The following PTBP3 variants were observed in gnomAD, a reference collection of about 807,000 sequenced individuals.
The protein encoded by PTBP3 is polypyrimidine tract binding protein 3, also known as polypyrimidine tract-binding protein 3.
In PTBP3, 20 loss-of-function variants were observed where a neutral mutation model predicts 58.7. The observed-to-expected ratio is 0.34, with a 90% CI of 0.24 to 0.50. The LOEUF is 0.50. Among genes scored for constraint, PTBP3 ranks in the 20% least tolerant of loss-of-function variants. The pLI is 0.98. For missense variants in PTBP3, 509 were observed against 637.2 expected (o/e 0.80, Z 2.17); for synonymous variants, 185 against 219.8 (o/e 0.84, Z 1.40).
At chr9:112,299,585 A>G (rs1828827660) in intron 1 of PTBP3, among the ~76,000 whole-genome samples, 1 of 152,252 alleles carries the variant, frequency 6.6e-6, no homozygotes, top group South Asian at 2.1e-4. Flanking sequence ...TTTAACAGCC[A>G]TCTCACAAAG....
At chr9:112,283,600 T>C (rs1589863917) in intron 2 of PTBP3, among the ~76,000 whole-genome samples, 1 of 152,168 alleles carries the variant, frequency 6.6e-6, no homozygotes, top group Non-Finnish European at 1.5e-5. Flanking sequence ...AGCCTGACCA[T>C]GTGGTAGAAA....
chr9:112,225,456 G>A lies in PTBP3; in HGVS notation c.1365-1246C>T, dbSNP rs541154411. On this transcript the variant is annotated intron_variant, in intron 12 of 13. Coordinates refer to ENST00000374257, the MANE Select transcript of PTBP3 (RefSeq NM_001163788.4). ...TAATGGGTACAGAGTTTCAGTTTGG[G>A]ATGATGAAAACGTTCTACAGATGGA... is the stretch of plus-strand genomic sequence containing the variant. 8.5e-5 allele frequency among the ~76,000 whole-genome samples: 13 copies of A among 152,306 alleles called. No homozygotes were observed. The South Asian group carries it at 2.7e-3, about 32-fold the overall frequency.
At chr9:112,358,311 AAAAC>A in the PTBP3 span, among the ~76,000 whole-genome samples, 8 of 152,300 alleles carry the variant, frequency 5.3e-5, no homozygotes, top group African/African-American at 1.9e-4. Flanking sequence ...CTGTCTCAAA[AAAAC>A]AAAAACAAAC....
chr9:112,308,377 A>C lies in PTBP3; in HGVS notation c.-51-10461T>G, dbSNP rs1341698168. 4.0e-5 allele frequency among the ~76,000 whole-genome samples: 6 copies of C among 151,200 alleles called. No individual in the cohort carries two copies. In the East Asian group the frequency reaches 5.8e-4, roughly 15 times the overall value. On this transcript the variant is annotated intron_variant, in intron 1 of 13. Transcript: ENST00000374257. ...AAAAAAAAAAAAAAAAAAAAAAAAA[A>C]AAAACTTTTCTTTCCTAGACATAAA...
At chr9:112,270,614 C>T (rs1018954218) in intron 3 of PTBP3, among the ~76,000 whole-genome samples, 4 of 152,088 alleles carry the variant, frequency 2.6e-5, no homozygotes, top group South Asian at 2.1e-4. Context: ...GGAAACCATG[C>T]GTGTAGCATT....
intron 12 of PTBP3, among the ~76,000 whole-genome samples, chr9:112,224,658 C>G (rs754111914): frequency 2.5e-4 from 38 of 152,098 alleles, no homozygotes; most frequent in Non-Finnish European, 4.7e-4. Context: ...TCTAAGGTGG[C>G]CCCCAATTAC....
At chr9:112,371,428 T>C in the PTBP3 span, among the ~76,000 whole-genome samples, 1 of 152,218 alleles carries the variant, frequency 6.6e-6, no homozygotes, top group South Asian at 2.1e-4. Context: ...CGTGAACCCC[T>C]AATTCATCTG....
In PTBP3 at chr9:112,220,292, G is replaced by A. The variant is rs192657315; in HGVS notation, c.*3559C>T. 7.4e-5 allele frequency: 98 copies of A among 1,320,176 alleles called. No homozygotes were observed. Among genetic ancestry groups the A allele is most frequent in the Middle Eastern group, 2.1e-4 (1 of 4,736 alleles). 81.8% of individuals were successfully genotyped at this position (1,320,176 alleles called of 1,614,324 possible). On this transcript the variant is annotated 3_prime_UTR_variant, in exon 14 of 14. Transcript: ENST00000374257. The stretch of plus-strand genomic sequence containing the variant: ...CACTGAAAAGAACAGAGAGCCAGGC[G>A]TGGTGGCTCATGCCTGTAATCCCAG...
the PTBP3 span, among the ~76,000 whole-genome samples, chr9:112,343,239 G>A: frequency 2.7e-5 from 4 of 145,822 alleles, no homozygotes; most frequent in African/African-American, 7.6e-5. Context: ...ACTGAGTTTC[G>A]CTCTCGTCAC....
chr9:112,260,484 T>G (rs777109172), intron 5 of PTBP3, among the ~76,000 whole-genome samples: 1 of 152,150 alleles, frequency 6.6e-6, no homozygotes, highest in Non-Finnish European at 1.5e-5. Flanking sequence ...GCTTGTTTAA[T>G]GTAATTAGAT....
the PTBP3 span, among the ~76,000 whole-genome samples, chr9:112,345,594 T>C: frequency 1.8e-3 from 267 of 151,804 alleles, 1 homozygote; most frequent in Non-Finnish European, 3.0e-3. Flanking sequence ...TTGGCCAGGC[T>C]GGTTTTGAAC....
chr9:112,311,819 A>C (rs1475654861), intron 1 of PTBP3, among the ~76,000 whole-genome samples: 1 of 152,136 alleles, frequency 6.6e-6, no homozygotes, highest in Non-Finnish European at 1.5e-5. Context: ...GTGGTGACTT[A>C]TGCCTGTAGT....
chr9:112,379,852 AC>A, the PTBP3 span: 1 of 517,902 alleles, frequency 1.9e-6, no homozygotes, highest in Admixed American at 3.9e-5. Context: ...CTAGGCGCCG[AC>A]AGGAGCCTGA....
At chr9:112,320,857 A>G (rs531068729) in intron 1 of PTBP3, among the ~76,000 whole-genome samples, 1 of 152,316 alleles carries the variant, frequency 6.6e-6, no homozygotes, top group South Asian at 2.1e-4. Flanking sequence ...CATACACAAA[A>G]ATAAATTTGA....
intron 1 of PTBP3, among the ~76,000 whole-genome samples, chr9:112,310,930 G>A (rs537522638): frequency 6.6e-6 from 1 of 152,332 alleles, no homozygotes; most frequent in South Asian, 2.1e-4. Flanking sequence ...GAATGAGCAA[G>A]GGGAGAAGTA....
chr9:112,245,473 A>G (rs569593686), intron 7 of PTBP3, among the ~76,000 whole-genome samples: 8 of 152,176 alleles, frequency 5.3e-5, no homozygotes, highest in African/African-American at 9.7e-5. Flanking sequence ...CTGGACAGGA[A>G]TCAGGATTTT....
the PTBP3 span, among the ~76,000 whole-genome samples, chr9:112,349,798 AG>A: frequency 7.2e-6 from 1 of 138,226 alleles, no homozygotes; most frequent in Non-Finnish European, 1.5e-5. Flanking sequence ...TGGGAGATGA[AG>A]GTTGCGGTGA....
At chr9:112,369,701 G>A in the PTBP3 span, among the ~76,000 whole-genome samples, 1 of 152,150 alleles carries the variant, frequency 6.6e-6, no homozygotes, top group African/African-American at 2.4e-5. Context: ...TTAAGACTCT[G>A]GGGGACTGTT....
rs1011738300 is a variant in PTBP3 at position 112,224,203 on chromosome 9, C to T, written c.1372G>A (p.Val458Ile). 2 of 1,543,260 alleles carry T rather than the reference C, an allele frequency of 1.3e-6. No individual in the cohort carries two copies. Among genetic ancestry groups the T allele is most frequent in the Non-Finnish European group, 1.7e-6 (2 of 1,152,780 alleles). Residue 458 changes from valine (V) to isoleucine (I), a missense_variant, in exon 13 of 14, where the codon GTT becomes ATT. Val to Ile is a conservative substitution (Grantham distance 29, BLOSUM62 3). Transcript: ENST00000374257. ...AGGTTCTTCAGATCATCCACTGTAA[C>T]AGAAGGGCTGTGAAAACATCAGAGG... ...TLHLSNIPPS[V>I]TVDDLKNLFI...
Sources: allele counts gnomAD v4.1 joint callset (sites outside exome capture counted in the v4.1 genomes callset), GRCh38; gene constraint gnomAD v4.1.1; transcripts MANE v1.5; gene names NCBI Gene and HGNC (gene_info 2026-07-23, HGNC 2026-07-21).